ZNF676: variants seen among roughly 807,000 people sequenced by gnomAD.
ZNF676 encodes the protein zinc finger protein 676.
Under a neutral mutation model 6.0 loss-of-function variants are expected in ZNF676, and 4 were observed. The observed-to-expected ratio is 0.67, with a 90% CI of 0.33 to 1.53. ZNF676 has a LOEUF of 1.53. Among genes scored for constraint, ZNF676 ranks in the 40% most tolerant of loss-of-function variants. The probability of loss-of-function intolerance (pLI) is 0.06; values close to 1 mark genes in which losing one functional copy is unlikely to be tolerated. For synonymous variants in ZNF676, 198 were observed against 223.1 expected, an observed-to-expected ratio of 0.89 and a Z score of 1.00; for missense variants, 644 against 679.7, an observed-to-expected ratio of 0.95 and a Z score of 0.58.
rs574367202 is a variant in ZNF676, at chr19:22,180,906, G to A, written c.811C>T (p.His271Tyr). Residue 271 changes from histidine to tyrosine, a missense_variant, in exon 3 of 3, where the codon CAT (histidine) becomes TAT (tyrosine). His to Tyr is a moderately conservative substitution (Grantham distance 83). Around this residue, in one of 5 missense-constraint regions of ZNF676, gnomAD observed 28 missense variants for 83.7 expected, o/e 0.33. Transcript: ENST00000397121. The part of the protein sequence containing the change: ...GFSSVSTLNT[H>Y]KAIHAEEKPY... Reference sequence around the variant, plus strand: ...TTCTCTTCAGCATGAATTGCCTTATGTGTATTAAGGGTTGAGACGCTACTA... The same window carrying A: ...TTCTCTTCAGCATGAATTGCCTTATATGTATTAAGGGTTGAGACGCTACTA... 5 of 1,425,510 alleles carry A rather than the reference G, an allele frequency of 3.5e-6. No homozygotes were observed. In the South Asian group the frequency reaches 5.9e-5, roughly 17 times the overall value. 88.3% of individuals were successfully genotyped at this position (1,425,510 alleles called of 1,614,324 possible). A position where few individuals can be genotyped will look rare whatever the true frequency, so the allele number is the denominator to read the frequency against.
chr19:22,224,081 C>A, the ZNF676 span, among the ~76,000 whole-genome samples: 4 of 150,570 alleles, frequency 2.7e-5, no homozygotes, highest in East Asian at 7.8e-4. Flanking sequence ...TACTGCCATG[C>A]AGTGCATGCC....
chr19:22,237,586 G>A, the ZNF676 span, among the ~76,000 whole-genome samples: 4 of 152,176 alleles, frequency 2.6e-5, no homozygotes, highest in South Asian at 4.1e-4. Flanking sequence ...TGGGTCCTGA[G>A]AAGAATCAAC....
the ZNF676 span, among the ~76,000 whole-genome samples, chr19:22,228,328 A>G: frequency 2.0e-5 from 3 of 152,206 alleles, no homozygotes; most frequent in Non-Finnish European, 4.4e-5. Flanking sequence ...AAAACTCTCA[A>G]TAAACTAAGT....
rs1254932519 is a variant in ZNF676 at position 22,179,285 on chromosome 19, G to A, written c.*665C>T. ...TTGTCACATCTTTCAGGTTTGTAGA[G>A]TCTCTCATGTATGAATTAGCCTATG... On this transcript the variant is annotated 3_prime_UTR_variant, in exon 3 of 3. Transcript: ENST00000397121. 6.0e-6 allele frequency: 1 copy of A among 166,394 alleles called. No homozygotes were observed. Among genetic ancestry groups the A allele is most frequent in the South Asian group, 1.5e-4 (1 of 6,490 alleles). The allele number at this position is 166,394 out of a possible 1,614,324, so 10.3% of individuals were successfully genotyped here.
In ZNF676 at chr19:22,206,202, G is replaced by C. The variant is rs111716202; in HGVS notation, c.3+9430C>G. On this transcript the variant is annotated intron_variant, in intron 1 of 3. Coordinates refer to the ZNF676 transcript ENST00000650058. ...ACATACTCACAGCTGAATTCTACCA[G>C]ATGTACAAATAGAAGCTGATATTAT... Among the ~76,000 whole-genome samples, 812 of 152,058 alleles carry C rather than the reference G, an allele frequency of 5.3e-3. 6 individuals carry two copies. Among genetic ancestry groups the C allele is most frequent in the African/African-American group, 0.019 (769 of 41,476 alleles).
intron 2 of ZNF676, among the ~76,000 whole-genome samples, chr19:22,188,847 TAA>T (rs2023870197): frequency 1.3e-5 from 2 of 151,736 alleles, no homozygotes; most frequent in African/African-American, 2.4e-5. Context: ...CTCAAGAAAA[TAA>T]GAGAGGACAC....
intron 1 of ZNF676, among the ~76,000 whole-genome samples, chr19:22,209,030 C>G (rs2024103619): frequency 6.6e-6 from 1 of 152,146 alleles, no homozygotes. Flanking sequence ...CTTTGGGAGG[C>G]CAAGGCGGCA....
At chr19:22,190,666 C>CATAGAATTCTATGTATATATATATATAT (rs72283278) in intron 2 of ZNF676, among the ~76,000 whole-genome samples, 1 of 40,038 alleles carries the variant, frequency 2.5e-5, no homozygotes, top group Non-Finnish European at 8.9e-5. Flanking sequence ...TATATATATA[C>CATAGAATTCTATGTATATATATATATAT]ATACACACTT....
chr19:22,254,026 A>G, the ZNF676 span, among the ~76,000 whole-genome samples: 1 of 152,174 alleles, frequency 6.6e-6, no homozygotes, highest in Non-Finnish European at 1.5e-5. Context: ...CATTTAATAA[A>G]CCTGTGAGCT....
upstream of ZNF676, among the ~76,000 whole-genome samples, chr19:22,220,690 C>T: frequency 6.6e-6 from 1 of 152,106 alleles, no homozygotes; most frequent in East Asian, 1.9e-4. Context: ...CACCTGACCT[C>T]AAGTGATCCC....
chr19:22,191,147 T>C (rs1918162), intron 2 of ZNF676, among the ~76,000 whole-genome samples: 64,394 of 151,936 alleles, frequency 0.42, 14,473 homozygotes, highest in African/African-American at 0.58. Flanking sequence ...AGTGAGACCT[T>C]ATCTCAAAAA....
the ZNF676 span, among the ~76,000 whole-genome samples, chr19:22,257,016 C>T: frequency 6.6e-6 from 1 of 152,098 alleles, no homozygotes; most frequent in Non-Finnish European, 1.5e-5. Context: ...AGTCACATCA[C>T]CTAAATGCTG....
chr19:22,182,804 G>A (rs2023779133), intron 2 of ZNF676, among the ~76,000 whole-genome samples: 1 of 151,748 alleles, frequency 6.6e-6, no homozygotes, highest in Admixed American at 6.6e-5. Flanking sequence ...ACAACACCTA[G>A]TCATATAAAA....
chr19:22,182,898 A>G (rs2023780342), intron 2 of ZNF676, among the ~76,000 whole-genome samples: 1 of 152,108 alleles, frequency 6.6e-6, no homozygotes, highest in Non-Finnish European at 1.5e-5. Context: ...AACATTTTTA[A>G]TTATTCTCTA....
At chr19:22,254,658 CAG>C in the ZNF676 span, among the ~76,000 whole-genome samples, 15 of 152,270 alleles carry the variant, frequency 9.9e-5, no homozygotes, top group Non-Finnish European at 1.9e-4. Context: ...AGGGCCCAAA[CAG>C]ATTTGCATCA....
the ZNF676 span, among the ~76,000 whole-genome samples, chr19:22,233,704 A>G: frequency 1.3e-5 from 2 of 152,238 alleles, no homozygotes; most frequent in African/African-American, 4.8e-5. Flanking sequence ...TCCAAAGTAT[A>G]CCACCATTTC....
the ZNF676 span, among the ~76,000 whole-genome samples, chr19:22,221,558 C>G: frequency 6.6e-6 from 1 of 152,108 alleles, no homozygotes; most frequent in Admixed American, 6.5e-5. Context: ...CAAAACCAGC[C>G]TGGTCAACAT....
chr19:22,236,552 A>G, the ZNF676 span, among the ~76,000 whole-genome samples: 5 of 152,146 alleles, frequency 3.3e-5, no homozygotes, highest in African/African-American at 4.8e-5. Context: ...AAGATGGGAG[A>G]AAGATTCACT....
chr19:22,183,462 C>T (rs370940719), intron 2 of ZNF676, among the ~76,000 whole-genome samples: 27 of 152,080 alleles, frequency 1.8e-4, no homozygotes, highest in Non-Finnish European at 3.7e-4. Context: ...CTCACACTCC[C>T]GAGTAGCTGG....
Sources: allele counts gnomAD v4.1 joint callset (sites outside exome capture counted in the v4.1 genomes callset), GRCh38; gene constraint gnomAD v4.1.1; regional missense constraint gnomAD v4.1.1; transcripts MANE v1.5; gene names NCBI Gene and HGNC (gene_info 2026-07-23, HGNC 2026-07-21).